Variants in ESRRG observed in about 807,000 individuals in gnomAD.
ESRRG encodes the protein estrogen-related receptor gamma.
ESRRG carries 13 observed loss-of-function variants against 44.0 expected under a neutral mutation model. That is an observed-to-expected ratio of 0.30 (90% CI 0.19 to 0.47). The LOEUF is 0.47. ESRRG is among the 20% of genes least tolerant of loss of function. ESRRG has a pLI of 1.00. For missense variants in ESRRG, 395 were observed against 580.6 expected (o/e 0.68, Z 3.29); for synonymous variants, 215 against 214.6 (o/e 1.00, Z -0.02).
intron 1 of ESRRG, among the ~76,000 whole-genome samples, chr1:217,039,629 G>C (rs1346692299): frequency 6.6e-6 from 1 of 152,186 alleles, no homozygotes. Flanking sequence ...ATAATATGTG[G>C]GAACCATGGG....
At chr1:216,925,661 G>C (rs2062449090) in intron 2 of ESRRG, among the ~76,000 whole-genome samples, 1 of 151,592 alleles carries the variant, frequency 6.6e-6, no homozygotes, top group Non-Finnish European at 1.5e-5. Flanking sequence ...TTCAAAGTGG[G>C]TCTGCTCGGC....
In ESRRG at chr1:216,507,633, AG is replaced by A. The variant is rs2041544296; in HGVS notation, c.1133-451del. 3.3e-5 allele frequency among the ~76,000 whole-genome samples: 5 copies of A among 152,208 alleles called. No individual in the cohort carries two copies. In the South Asian group the frequency reaches 1.0e-3, roughly 32 times the overall value. The stretch of plus-strand genomic sequence containing the variant: ...CTGGAAAAGCCAATATTTCCCAAAC[AG>A]GGGAAAAAATTGTTGACTAAGATTC... On this transcript the variant is annotated intron_variant, in intron 6 of 6. Coordinates refer to ENST00000408911, the MANE Select transcript of ESRRG (RefSeq NM_001438.4).
intron 2 of ESRRG, among the ~76,000 whole-genome samples, chr1:216,809,325 T>TAAAA (rs201618241): frequency 1.7e-5 from 2 of 119,136 alleles, no homozygotes; most frequent in African/African-American, 6.4e-5. Flanking sequence ...TTTTTTACAG[T>TAAAA]AAAAAAAAAA....
chr1:216,844,058 C>T (rs1489017119), intron 2 of ESRRG, among the ~76,000 whole-genome samples: 1 of 151,920 alleles, frequency 6.6e-6, no homozygotes. Context: ...AAATACAATT[C>T]TTTTCTTTAA....
intron 1 of ESRRG, among the ~76,000 whole-genome samples, chr1:217,041,080 A>G (rs1463763227): frequency 6.6e-6 from 1 of 152,148 alleles, no homozygotes; most frequent in African/African-American, 2.4e-5. Context: ...CTGCTCCCCA[A>G]TCTTAGTTTA....
intron 2 of ESRRG, among the ~76,000 whole-genome samples, chr1:216,800,279 C>G (rs1486901730): frequency 6.6e-6 from 1 of 152,132 alleles, no homozygotes; most frequent in African/African-American, 2.4e-5. Context: ...AAGGAATGAA[C>G]CACCAAGGAA....
At chr1:216,788,072 T>C (rs879554213) in intron 2 of ESRRG, among the ~76,000 whole-genome samples, 7 of 152,118 alleles carry the variant, frequency 4.6e-5, no homozygotes, top group Non-Finnish European at 8.8e-5. Context: ...CACCATAATA[T>C]AAAAGTGCAA....
At chr1:216,806,632 A>C (rs1313417608) in intron 2 of ESRRG, among the ~76,000 whole-genome samples, 3 of 152,140 alleles carry the variant, frequency 2.0e-5, no homozygotes, top group Non-Finnish European at 4.4e-5. Context: ...AATACCATTC[A>C]CCTCACTCTA....
chr1:217,087,683 G>C (rs1327417323), intron 1 of ESRRG, among the ~76,000 whole-genome samples: 5 of 152,164 alleles, frequency 3.3e-5, no homozygotes, highest in Non-Finnish European at 4.4e-5. Context: ...CCAGTCAATG[G>C]ACAGTTTTAT....
At chr1:216,901,064 A>T (rs976591787) in intron 2 of ESRRG, among the ~76,000 whole-genome samples, 1 of 152,122 alleles carries the variant, frequency 6.6e-6, no homozygotes, top group Non-Finnish European at 1.5e-5. Flanking sequence ...TTGCTTCTTA[A>T]CCCTGTGATG....
intron 1 of ESRRG, among the ~76,000 whole-genome samples, chr1:217,051,213 G>GT (rs1224531847): frequency 1.6e-5 from 2 of 122,560 alleles, no homozygotes; most frequent in East Asian, 6.2e-4. Flanking sequence ...GCGGGGGGGG[G>GT]GGGTGCCAGG....
At chr1:216,756,808 G>A (rs2092471670) in intron 2 of ESRRG, among the ~76,000 whole-genome samples, 1 of 151,958 alleles carries the variant, frequency 6.6e-6, no homozygotes, top group Non-Finnish European at 1.5e-5. Flanking sequence ...CACTTTAAAT[G>A]TGTACAACAA....
At chr1:216,829,846 G>A (rs544597761) in intron 2 of ESRRG, among the ~76,000 whole-genome samples, 17 of 152,132 alleles carry the variant, frequency 1.1e-4, no homozygotes, top group East Asian at 1.9e-4. Flanking sequence ...GAGCCACCGC[G>A]CCCGGCCTGA....
At chr1:216,708,527 C>G (rs148895055) in intron 1 of ESRRG, among the ~76,000 whole-genome samples, 312 of 152,200 alleles carry the variant, frequency 2.0e-3, no homozygotes, top group African/African-American at 7.3e-3. Flanking sequence ...CCATCTCACG[C>G]CAGCTACAAT....
intron 2 of ESRRG, among the ~76,000 whole-genome samples, chr1:216,672,378 A>G (rs1051720790): frequency 1.3e-5 from 2 of 152,234 alleles, no homozygotes; most frequent in Non-Finnish European, 2.9e-5. Flanking sequence ...CTTTCTATTT[A>G]CCTTTCATTG....
chr1:216,965,158 G>GA lies in ESRRG; in HGVS notation c.-105-25486_-105-25485insT, dbSNP rs1320346279. Among the ~76,000 whole-genome samples, 291 of 103,138 alleles carry GA rather than the reference G, an allele frequency of 2.8e-3. 2 individuals carry two copies. The highest frequency in any genetic ancestry group is 8.7e-3 in the African/African-American group (269 of 30,748). 67.7% of individuals were successfully genotyped at this position (103,138 alleles called of 152,430 possible). A position where few individuals can be genotyped will look rare whatever the true frequency, so the allele number is the denominator to read the frequency against. On this transcript the variant is annotated intron_variant, in intron 1 of 7. Transcript: ENST00000359162. ...TATGCAACCGAAAAGTTACACATAT[G>GA]CCTTTTTTTTTTTCCTACTTCTTGA...
chr1:216,708,983 C>G (rs1451540584), intron 1 of ESRRG, among the ~76,000 whole-genome samples: 1 of 152,216 alleles, frequency 6.6e-6, no homozygotes, highest in South Asian at 2.1e-4. Context: ...CCAAACACTG[C>G]ATGTTCTCAC....
At chr1:216,706,908 C>T (rs1192816137) in intron 1 of ESRRG, among the ~76,000 whole-genome samples, 1 of 152,168 alleles carries the variant, frequency 6.6e-6, no homozygotes, top group Non-Finnish European at 1.5e-5. Context: ...AATGCATCCA[C>T]TGAAGAGATG....
intron 1 of ESRRG, among the ~76,000 whole-genome samples, chr1:216,975,810 A>G (rs1019620089): frequency 4.6e-5 from 7 of 152,204 alleles, no homozygotes; most frequent in African/African-American, 1.7e-4. Flanking sequence ...ATGGGAAAGA[A>G]CTACATTTGT....
Sources: allele counts gnomAD v4.1 joint callset (sites outside exome capture counted in the v4.1 genomes callset), GRCh38; gene constraint gnomAD v4.1.1; transcripts MANE v1.5; gene names NCBI Gene and HGNC (gene_info 2026-07-23, HGNC 2026-07-21).